CEP164: variants seen among roughly 807,000 people sequenced by gnomAD.
The protein encoded by CEP164 is centrosomal protein 164.
In CEP164, 162 loss-of-function variants were observed where a neutral mutation model predicts 182.7. The observed-to-expected ratio is 0.89, with a 90% confidence interval of 0.78 to 1.01. The LOEUF (loss-of-function observed/expected upper bound fraction) is 1.01. Ranked by LOEUF, CEP164 falls within the 50% of genes least tolerant of loss-of-function variation. CEP164 has a pLI of 0.00. For missense variants in CEP164, 1,735 were observed against 1,790.4 expected (o/e 0.97, Z 0.56); for synonymous variants, 661 against 690.0 (o/e 0.96, Z 0.66).
intron 8 of CEP164, among the ~76,000 whole-genome samples, chr11:117,367,026 G>A (rs957368754): frequency 8.5e-5 from 13 of 152,218 alleles, no homozygotes; most frequent in African/African-American, 3.1e-4. Context: ...AGGAATGTGA[G>A]CAGGGATGAG....
In CEP164 at chr11:117,397,016, T is replaced by G. The variant is rs1197236797; in HGVS notation, c.3279-75T>G. 2.2e-6 allele frequency: 3 copies of G among 1,365,500 alleles called. No individual in the cohort carries two copies. The African/African-American group carries it at 4.3e-5, about 20-fold the overall frequency. The allele number at this position is 1,365,500 out of a possible 1,614,324, so 84.6% of individuals were successfully genotyped here. A position where few individuals can be genotyped will look rare whatever the true frequency, so the allele number is the denominator to read the frequency against. On this transcript the variant is annotated intron_variant, in intron 26 of 32. Coordinates refer to ENST00000278935, the MANE Select transcript of CEP164 (RefSeq NM_014956.5). Reference sequence around the variant, plus strand: ...GTCTGTGCTCAGGGTTGGCATCTGCTGGGGAAGGGGCTGTGTGACCCAGAG... The same window carrying G: ...GTCTGTGCTCAGGGTTGGCATCTGCGGGGGAAGGGGCTGTGTGACCCAGAG...
upstream of CEP164, among the ~76,000 whole-genome samples, chr11:117,324,963 C>G (rs2035376292): frequency 6.6e-6 from 1 of 152,270 alleles, no homozygotes; most frequent in East Asian, 1.9e-4. Flanking sequence ...ATATAGGGAC[C>G]AAGTCTACAA....
At chr11:117,336,498 T>C in intron 2 of CEP164, 2 of 1,511,564 alleles carry the variant, frequency 1.3e-6, no homozygotes, top group Admixed American at 1.8e-5. Context: ...GGGGAACTCC[T>C]AGGGGAGGAG....
At chr11:117,400,981 T>C (rs2046069645) in intron 27 of CEP164, among the ~76,000 whole-genome samples, 1 of 152,180 alleles carries the variant, frequency 6.6e-6, no homozygotes, top group Admixed American at 6.5e-5. Flanking sequence ...CCTTTGTTTC[T>C]TTCTCTTGCC....
At chr11:117,358,742 C>T (rs2013700274) in intron 5 of CEP164, among the ~76,000 whole-genome samples, 1 of 152,004 alleles carries the variant, frequency 6.6e-6, no homozygotes, top group Admixed American at 6.6e-5. Flanking sequence ...CTGTGTTGCC[C>T]AGACTGGTCT....
intron 26 of CEP164, 150 bp downstream of exon 26, chr11:117,396,761 A>G: frequency 1.4e-6 from 1 of 713,346 alleles, no homozygotes; most frequent in South Asian, 1.7e-5. Flanking sequence ...AGGATTAAGG[A>G]ATCTTCTCTG....
rs1185042023 is a variant in CEP164, at chr11:117,409,679, G to C, written c.3810G>C (p.Gln1270His). 1 of 1,614,078 alleles carries C rather than the reference G, an allele frequency of 6.2e-7. No individual in the cohort carries two copies. The highest frequency in any genetic ancestry group is 8.5e-7 in the Non-Finnish European group (1 of 1,179,974). ...KIHGLSHSLR[Q>H]ISSQLSSVLS... ...ACGGGCTTAGCCACTCCCTCCGGCAGATCAGCAGCCAGCTGAGCAGTGTCC... is the reference window on the plus strand; with the variant it reads ...ACGGGCTTAGCCACTCCCTCCGGCACATCAGCAGCCAGCTGAGCAGTGTCC... Residue 1270 changes from glutamine (Q) to histidine (H), a missense_variant, in exon 30 of 33, where the codon CAG becomes CAC. Transcript: ENST00000278935. The surrounding 1 kb of genome is among the most constrained non-coding windows in gnomAD (Gnocchi z 4.4).
chr11:117,351,447 A>G (rs2039609361), intron 4 of CEP164, among the ~76,000 whole-genome samples: 1 of 152,164 alleles, frequency 6.6e-6, no homozygotes, highest in Admixed American at 6.6e-5. Context: ...TAGTTTTTAT[A>G]CTTCTCCATC....
chr11:117,347,797 T>C (rs2039107141), intron 4 of CEP164, among the ~76,000 whole-genome samples: 1 of 152,176 alleles, frequency 6.6e-6, no homozygotes, highest in Non-Finnish European at 1.5e-5. Context: ...TTGGGGAAAA[T>C]TGACATCTTA....
chr11:117,370,997 A>C, intron 8 of CEP164, 83 bp from the exon 9 acceptor site: 1 of 1,413,832 alleles, frequency 7.1e-7, no homozygotes, highest in Non-Finnish European at 9.6e-7. Flanking sequence ...GTCAGGGAAT[A>C]GCATTTCCAT....
At chr11:117,395,444 C>T (rs1592390966) in intron 23 of CEP164, 103 bp from the exon 24 acceptor site, 5 of 1,311,074 alleles carry the variant, frequency 3.8e-6, no homozygotes, top group Middle Eastern at 5.4e-4. Context: ...TGAATTCATT[C>T]CCAGCCTGTC....
chr11:117,359,281 C>G (rs550339511), intron 5 of CEP164, among the ~76,000 whole-genome samples: 1 of 152,176 alleles, frequency 6.6e-6, no homozygotes, highest in Non-Finnish European at 1.5e-5. Flanking sequence ...TCCGTTTGCT[C>G]GTATGGGGAC....
At chr11:117,359,586 C>T in intron 5 of CEP164, 1 of 985,446 alleles carries the variant, frequency 1.0e-6, no homozygotes, top group Non-Finnish European at 1.2e-6. Flanking sequence ...TTCTGAACCT[C>T]AGCCTGACCG....
chr11:117,352,025 G>A (rs752770492), intron 5 of CEP164, 37 bp downstream of exon 5: 4 of 1,530,738 alleles, frequency 2.6e-6, no homozygotes, highest in Admixed American at 2.1e-5. Context: ...AGAGGCCAGG[G>A]CTGAAATCTG....
At chr11:117,349,224 T>C (rs2039326516) in intron 4 of CEP164, among the ~76,000 whole-genome samples, 1 of 152,118 alleles carries the variant, frequency 6.6e-6, no homozygotes, top group African/African-American at 2.4e-5. Flanking sequence ...GGTTTCACCA[T>C]GTTGGCCAGG....
intron 8 of CEP164, among the ~76,000 whole-genome samples, chr11:117,365,254 G>A (rs1365860901): frequency 6.6e-6 from 1 of 152,242 alleles, no homozygotes; most frequent in African/African-American, 2.4e-5. Flanking sequence ...GAAGCAACTA[G>A]CCTGCTGCCT....
At chr11:117,347,509 G>A (rs369786081) in intron 4 of CEP164, among the ~76,000 whole-genome samples, 1 of 151,978 alleles carries the variant, frequency 6.6e-6, no homozygotes, top group African/African-American at 2.4e-5. Context: ...TTGGGAGTTC[G>A]AGACCAGCCT....
chr11:117,402,073 G>A (rs1342971132), intron 27 of CEP164, among the ~76,000 whole-genome samples: 9 of 151,924 alleles, frequency 5.9e-5, no homozygotes, highest in African/African-American at 1.9e-4. Flanking sequence ...TTAGGGTGTC[G>A]ATTTTAGATC....
At chr11:117,357,013 A>T (rs968219884) in intron 5 of CEP164, among the ~76,000 whole-genome samples, 2 of 152,200 alleles carry the variant, frequency 1.3e-5, no homozygotes, top group Non-Finnish European at 2.9e-5. Flanking sequence ...GGTCCTTCCT[A>T]TTTGGAAATA....
Sources: gnomAD v4.1 joint callset for allele counts (sites outside exome capture counted in the v4.1 genomes callset) on GRCh38, gnomAD v4.1.1 for gene constraint, Gnocchi (gnomAD v3.1) non-coding constraint, MANE v1.5 for transcripts, NCBI Gene and HGNC (gene_info 2026-07-23, HGNC 2026-07-21) for gene names.